PKD2L2: variants seen among roughly 807,000 people sequenced by gnomAD.
The protein encoded by PKD2L2 is polycystin-2-like protein 2.
PKD2L2 carries 67 observed loss-of-function variants against 83.9 expected under a neutral mutation model. The observed-to-expected ratio is 0.80, with a 90% CI of 0.66 to 0.98. The LOEUF (loss-of-function observed/expected upper bound fraction) is 0.98. PKD2L2 is among the 50% of genes least tolerant of loss of function. The pLI is 0.00. For missense variants in PKD2L2, 632 were observed against 717.2 expected (o/e 0.88, Z 1.36); for synonymous variants, 223 against 237.8 (o/e 0.94, Z 0.57).
intron 8 of PKD2L2, among the ~76,000 whole-genome samples, chr5:137,919,432 C>A (rs1179769919): frequency 6.6e-6 from 1 of 152,046 alleles, no homozygotes; most frequent in East Asian, 1.9e-4. Flanking sequence ...TAACACTTTC[C>A]TAACAGAAAA....
intron 4 of PKD2L2, among the ~76,000 whole-genome samples, chr5:137,899,082 A>G (rs1331246445): frequency 6.6e-6 from 1 of 152,154 alleles, no homozygotes; most frequent in Non-Finnish European, 1.5e-5. Flanking sequence ...TGCTTTTTAA[A>G]AAACTACTAC....
At chr5:137,935,236 T>C (rs1263210652) in intron 12 of PKD2L2, among the ~76,000 whole-genome samples, 1 of 152,146 alleles carries the variant, frequency 6.6e-6, no homozygotes, top group Non-Finnish European at 1.5e-5. Context: ...GGAAAGCAGG[T>C]GGTAGTGAGA....
In PKD2L2 at chr5:137,942,589, C is replaced by G; in HGVS notation, c.*223C>G. On this transcript the variant is annotated 3_prime_UTR_variant, in exon 15 of 15. Transcript: ENST00000508883. ...TATTGCCCAGGCTGGTCTTGAACTC[C>G]TGGCCTCAAGGGATCCTCCTGCCTC... 1 of 344,100 alleles carries G rather than the reference C, an allele frequency of 2.9e-6. No homozygotes were observed. The highest frequency in any genetic ancestry group is 2.2e-5 in the African/African-American group (1 of 45,944). The allele number at this position is 344,100 out of a possible 1,614,324, so 21.3% of individuals were successfully genotyped here. A position where few individuals can be genotyped will look rare whatever the true frequency, so the allele number is the denominator to read the frequency against.
At chr5:137,913,188 T>C (rs4385203) in intron 8 of PKD2L2, among the ~76,000 whole-genome samples, 1,870 of 142,304 alleles carry the variant, frequency 0.013, 21 homozygotes, top group Admixed American at 0.019. Context: ...TTTTTTCTTT[T>C]TTTTTTTTTT....
At chr5:137,922,636 G>A (rs1481621528) in intron 9 of PKD2L2, among the ~76,000 whole-genome samples, 1 of 152,078 alleles carries the variant, frequency 6.6e-6, no homozygotes, top group East Asian at 1.9e-4. Context: ...TACTTGGGTG[G>A]CTGGGGCATG....
intron 8 of PKD2L2, 118 bp downstream of exon 8, chr5:137,909,064 T>G (rs1757595085): frequency 4.9e-6 from 3 of 614,008 alleles, no homozygotes; most frequent in Admixed American, 3.5e-5. Flanking sequence ...AAACTTAGTT[T>G]GATATTTTCT....
chr5:137,904,489 G>C (rs1757212630), intron 5 of PKD2L2, among the ~76,000 whole-genome samples: 1 of 152,148 alleles, frequency 6.6e-6, no homozygotes, highest in Non-Finnish European at 1.5e-5. Context: ...GGAGCTGGAG[G>C]CCATCATCCT....
intron 2 of PKD2L2, among the ~76,000 whole-genome samples, chr5:137,891,710 T>G (rs1406353073): frequency 6.6e-6 from 1 of 152,128 alleles, no homozygotes; most frequent in African/African-American, 2.4e-5. Context: ...TTTTTTTTCT[T>G]TTTTGAGACA....
chr5:137,936,218 C>T, intron 13 of PKD2L2, 102 bp from the exon 14 acceptor site: 1 of 1,020,844 alleles, frequency 9.8e-7, no homozygotes, highest in Non-Finnish European at 1.4e-6. Context: ...GTTTTAGGAG[C>T]TTACAATTCT....
chr5:137,904,254 G>C (rs928447173), intron 5 of PKD2L2, among the ~76,000 whole-genome samples: 1 of 152,116 alleles, frequency 6.6e-6, no homozygotes, highest in Non-Finnish European at 1.5e-5. Context: ...ATTTGCTCTA[G>C]AATCAAACAC....
chr5:137,940,103 A>G (rs781162016), intron 14 of PKD2L2: 47 of 1,614,060 alleles, frequency 2.9e-5, no homozygotes, highest in Non-Finnish European at 2.5e-5. Context: ...CACCACAACC[A>G]AGTACAAAAT....
At chr5:137,905,182 T>C (rs1036562050) in intron 5 of PKD2L2, among the ~76,000 whole-genome samples, 11 of 152,220 alleles carry the variant, frequency 7.2e-5, no homozygotes, top group African/African-American at 2.4e-4. Flanking sequence ...GCTTATTCTG[T>C]TACCTTTTAA....
At chr5:137,928,013 A>C (rs1291820348) in intron 12 of PKD2L2, among the ~76,000 whole-genome samples, 1 of 152,236 alleles carries the variant, frequency 6.6e-6, no homozygotes, top group Admixed American at 6.5e-5. Flanking sequence ...AGAATGGTCA[A>C]TAAGAGGCTT....
In PKD2L2 at chr5:137,936,047, A is replaced by C. The variant is rs532661389; in HGVS notation, c.1784+138A>C. 208 of 653,308 alleles carry C rather than the reference A, an allele frequency of 3.2e-4. 1 individual carries two copies. The highest frequency in any genetic ancestry group is 6.7e-5 in the Non-Finnish European group (25 of 374,918). 40.5% of individuals were successfully genotyped at this position (653,308 alleles called of 1,614,324 possible). On this transcript the variant is annotated intron_variant, in intron 13 of 14. Transcript: ENST00000508883. Reference sequence around the variant, plus strand: ...TTATTTACTTTCTATCCAGTTTTAAAGTTGCATATGACTCCATTTGCTTAC... The same window carrying C: ...TTATTTACTTTCTATCCAGTTTTAACGTTGCATATGACTCCATTTGCTTAC...
intron 12 of PKD2L2, among the ~76,000 whole-genome samples, chr5:137,929,830 G>A (rs1759717178): frequency 6.6e-6 from 1 of 151,958 alleles, no homozygotes; most frequent in Non-Finnish European, 1.5e-5. Flanking sequence ...TATACTTAAA[G>A]AGATTCCAAA....
intron 8 of PKD2L2, among the ~76,000 whole-genome samples, chr5:137,913,788 T>C (rs1758067433): frequency 6.6e-6 from 1 of 151,572 alleles, no homozygotes; most frequent in African/African-American, 2.4e-5. Context: ...CCTCAAGCAA[T>C]CCTCTCACCT....
At chr5:137,900,470 AGTT>A (rs879877454) in intron 5 of PKD2L2, among the ~76,000 whole-genome samples, 7 of 152,224 alleles carry the variant, frequency 4.6e-5, no homozygotes, top group Non-Finnish European at 7.3e-5. Context: ...TGAAAGAGAA[AGTT>A]GAATTACTTG....
At chr5:137,913,180 T>C (rs1268509887) in intron 8 of PKD2L2, among the ~76,000 whole-genome samples, 10 of 129,032 alleles carry the variant, frequency 7.8e-5, no homozygotes, top group Non-Finnish European at 1.4e-4. Flanking sequence ...CAGCCTTCTT[T>C]TTTCTTTTTT....
At chr5:137,927,079 T>C (rs1759437609) in intron 12 of PKD2L2, among the ~76,000 whole-genome samples, 1 of 152,232 alleles carries the variant, frequency 6.6e-6, no homozygotes, top group South Asian at 2.1e-4. Flanking sequence ...TTAAGCATTA[T>C]GATGAATAAT....
Sources: gnomAD v4.1 joint callset for allele counts (sites outside exome capture counted in the v4.1 genomes callset) on GRCh38, gnomAD v4.1.1 for gene constraint, MANE v1.5 for transcripts, NCBI Gene and HGNC (gene_info 2026-07-23, HGNC 2026-07-21) for gene names.